ESR2: variants seen among roughly 807,000 people sequenced by gnomAD.
The protein encoded by ESR2 is estrogen receptor beta.
Under a neutral mutation model 49.6 loss-of-function variants are expected in ESR2, and 36 were observed. The observed-to-expected ratio is 0.73, with a 90% CI of 0.56 to 0.96. The LOEUF is 0.96. Ranked by LOEUF, ESR2 falls within the 40% of genes least tolerant of loss-of-function variation. ESR2 has a pLI of 0.00. For synonymous variants in ESR2, 320 were observed against 266.1 expected (o/e 1.20, Z -1.97); for missense variants, 714 against 693.0 (o/e 1.03, Z -0.34).
intron 4 of ESR2, among the ~76,000 whole-genome samples, chr14:64,261,646 G>A (rs2076227985): frequency 6.6e-6 from 1 of 152,086 alleles, no homozygotes; most frequent in Non-Finnish European, 1.5e-5. Flanking sequence ...TCAAATTCCT[G>A]ATTCTCAAGT....
At chr14:64,296,346 G>T (rs1013233486), upstream of ESR2, among the ~76,000 whole-genome samples, 1 of 152,206 alleles carries the variant, frequency 6.6e-6, no homozygotes, top group Non-Finnish European at 1.5e-5. Flanking sequence ...CACCTAGTGA[G>T]AAAGGAACCC....
At chr14:64,234,004 A>C (rs1719652243) in intron 8 of ESR2, 1 of 152,378 alleles carries the variant, frequency 6.6e-6, no homozygotes, top group East Asian at 1.9e-4. Context: ...TGCTTGTTCC[A>C]TCTCAGCTGG....
intron 7 of ESR2, among the ~76,000 whole-genome samples, chr14:64,241,495 T>A (rs886802779): frequency 6.6e-6 from 1 of 152,218 alleles, no homozygotes; most frequent in Non-Finnish European, 1.5e-5. Context: ...CCAAAAAGCC[T>A]CCTGGGATTT....
At chr14:64,264,767 G>T (rs2076293140) in intron 4 of ESR2, among the ~76,000 whole-genome samples, 1 of 151,934 alleles carries the variant, frequency 6.6e-6, no homozygotes, top group South Asian at 2.1e-4. Flanking sequence ...CAGCTACTCG[G>T]GAGGCTGAGG....
At chr14:64,269,407 T>A (rs955073979) in intron 3 of ESR2, among the ~76,000 whole-genome samples, 1 of 152,244 alleles carries the variant, frequency 6.6e-6, no homozygotes, top group Non-Finnish European at 1.5e-5. Context: ...GTACTGCTAT[T>A]GACAAGAGTT....
intron 3 of ESR2, among the ~76,000 whole-genome samples, chr14:64,279,464 T>C (rs778529613): frequency 4.6e-5 from 7 of 152,256 alleles, no homozygotes; most frequent in African/African-American, 9.6e-5. Flanking sequence ...AACAAGGGGA[T>C]TGTGAACTGA....
chr14:64,313,397 G>C (rs2077206704), intron 1 of ESR2, among the ~76,000 whole-genome samples: 1 of 152,022 alleles, frequency 6.6e-6, no homozygotes. Context: ...AGCCAGATGT[G>C]GTGGTGCACA....
At chr14:64,319,247 G>A (rs1399776094) in intron 1 of ESR2, among the ~76,000 whole-genome samples, 1 of 152,050 alleles carries the variant, frequency 6.6e-6, no homozygotes, top group African/African-American at 2.4e-5. Flanking sequence ...TCCAGACACA[G>A]ACCTCATACC....
At chr14:64,266,300 CA>C (rs1363303722) in intron 4 of ESR2, among the ~76,000 whole-genome samples, 1 of 152,268 alleles carries the variant, frequency 6.6e-6, no homozygotes, top group East Asian at 1.9e-4. Context: ...TTATTGTTCA[CA>C]AAACCAAGTG....
chr14:64,257,128 G>T, intron 6 of ESR2, 98 bp downstream of exon 6: 2 of 1,101,620 alleles, frequency 1.8e-6, no homozygotes, highest in Non-Finnish European at 1.4e-6. Context: ...TGCCCTGCAA[G>T]TGTGAGATTT....
chr14:64,261,240 T>TC (rs916413465), intron 4 of ESR2, among the ~76,000 whole-genome samples: 1 of 54,328 alleles, frequency 1.8e-5, no homozygotes, highest in Non-Finnish European at 5.1e-5. Flanking sequence ...TTCTTTTTTC[T>TC]TTTTTTTTTT....
intron 1 of ESR2, among the ~76,000 whole-genome samples, chr14:64,310,251 C>A (rs1378509541): frequency 6.7e-6 from 1 of 148,510 alleles, no homozygotes; most frequent in Non-Finnish European, 1.5e-5. Flanking sequence ...CCAGCCTGGG[C>A]GACAAAGTGA....
chr14:64,275,712 GA>G (rs1002153551), intron 3 of ESR2, among the ~76,000 whole-genome samples: 4 of 150,414 alleles, frequency 2.7e-5, no homozygotes, highest in Admixed American at 2.0e-4. Flanking sequence ...CAAAAAAAAA[GA>G]AAAAAAAAGT....
At chr14:64,240,584 G>A (rs1435286498) in intron 7 of ESR2, among the ~76,000 whole-genome samples, 2 of 152,152 alleles carry the variant, frequency 1.3e-5, no homozygotes, top group Non-Finnish European at 1.5e-5. Flanking sequence ...TTGCGTGTAC[G>A]ATTTGATGTA....
intron 1 of ESR2, chr14:64,329,899 G>C (rs903177575): frequency 2.0e-5 from 3 of 152,290 alleles, no homozygotes; most frequent in African/African-American, 7.2e-5. Flanking sequence ...AGCACTTTGG[G>C]AGGCCAAGGC....
At chr14:64,241,145 CAAAAAAAAAAAAA>C (rs56347632) in intron 7 of ESR2, among the ~76,000 whole-genome samples, 2 of 95,436 alleles carry the variant, frequency 2.1e-5, no homozygotes, top group Non-Finnish European at 4.1e-5. Flanking sequence ...GACTCCGTCT[CAAAAAAAAAAAAA>C]AAAAAAAAAA....
intron 4 of ESR2, among the ~76,000 whole-genome samples, chr14:64,267,761 G>A (rs1288486243): frequency 6.6e-6 from 1 of 151,546 alleles, no homozygotes; most frequent in African/African-American, 2.4e-5. Flanking sequence ...GTGGGTGCCT[G>A]TAGTCCCAGC....
chr14:64,333,401 G>A (rs1289048578), intron 1 of ESR2, among the ~76,000 whole-genome samples: 1 of 152,018 alleles, frequency 6.6e-6, no homozygotes, highest in East Asian at 1.9e-4. Flanking sequence ...CGTATTTCAG[G>A]GACACTATCT....
At chr14:64,333,133 T>G (rs572156726) in intron 1 of ESR2, among the ~76,000 whole-genome samples, 1 of 152,022 alleles carries the variant, frequency 6.6e-6, no homozygotes, top group Non-Finnish European at 1.5e-5. Context: ...AGTCTTATAA[T>G]GAAAAATTGT....
Sources: allele counts gnomAD v4.1 joint callset (sites outside exome capture counted in the v4.1 genomes callset), GRCh38; gene constraint gnomAD v4.1.1; transcripts MANE v1.5; gene names NCBI Gene and HGNC (gene_info 2026-07-23, HGNC 2026-07-21).